Variants in ADAMTS2 observed in about 807,000 individuals in gnomAD.
ADAMTS2 encodes the protein ADAM metallopeptidase with thrombospondin type 1 motif 2.
Under a neutral mutation model 123.0 loss-of-function variants are expected in ADAMTS2, and 50 were observed. The ratio of observed to expected loss-of-function variants is 0.41; its 90% CI spans 0.32 to 0.51. The LOEUF (loss-of-function observed/expected upper bound fraction) is 0.51. ADAMTS2 is among the 20% of genes least tolerant of loss of function. ADAMTS2 has a pLI of 0.35. For missense variants in ADAMTS2, 1,494 were observed against 1,705.2 expected, an observed-to-expected ratio of 0.88 and a Z score of 2.18; for synonymous variants, 678 against 695.4, an observed-to-expected ratio of 0.98 and a Z score of 0.39.
chr5:179,271,255 A>G (rs867299757), intron 3 of ADAMTS2, among the ~76,000 whole-genome samples: 3 of 152,224 alleles, frequency 2.0e-5, no homozygotes. Flanking sequence ...TGCCATGTTC[A>G]GGAAGACAAG....
intron 4 of ADAMTS2, among the ~76,000 whole-genome samples, chr5:179,194,592 G>T (rs1764378531): frequency 6.6e-6 from 1 of 152,154 alleles, no homozygotes; most frequent in African/African-American, 2.4e-5. Flanking sequence ...CATGCTAGGG[G>T]ATTTGGGAGC....
chr5:179,220,068 G>A (rs1765092983), intron 3 of ADAMTS2, among the ~76,000 whole-genome samples: 1 of 152,286 alleles, frequency 6.6e-6, no homozygotes. Flanking sequence ...CCTTCCCTCT[G>A]CTGGGCAGTT....
intron 13 of ADAMTS2, 56 bp downstream of exon 13, chr5:179,135,853 C>G: frequency 6.2e-7 from 1 of 1,610,420 alleles, no homozygotes; most frequent in Admixed American, 1.7e-5. Context: ...GAGGTCAGTA[C>G]CCAGGAAGCT....
intron 21 of ADAMTS2, among the ~76,000 whole-genome samples, chr5:179,114,939 C>T (rs1314662193): frequency 2.0e-5 from 3 of 152,220 alleles, no homozygotes; most frequent in Non-Finnish European, 4.4e-5. Context: ...AAACATCACC[C>T]AAACCTGCAT....
At chr5:179,259,675 G>A (rs1288997084) in intron 3 of ADAMTS2, among the ~76,000 whole-genome samples, 1 of 152,232 alleles carries the variant, frequency 6.6e-6, no homozygotes, top group Non-Finnish European at 1.5e-5. Flanking sequence ...TGTCGTTCCA[G>A]CATGGACAGG....
chr5:179,240,047 G>C (rs1199073351), intron 3 of ADAMTS2, among the ~76,000 whole-genome samples: 2 of 152,162 alleles, frequency 1.3e-5, no homozygotes, highest in Non-Finnish European at 1.5e-5. Flanking sequence ...CTCCACCTAG[G>C]GGGTGCTGCT....
chr5:179,237,440 G>T (rs1399618985), intron 3 of ADAMTS2, among the ~76,000 whole-genome samples: 6 of 152,184 alleles, frequency 3.9e-5, no homozygotes, highest in Non-Finnish European at 8.8e-5. Flanking sequence ...CCAGCCTCCA[G>T]AACCATGAGA....
In ADAMTS2 at chr5:179,170,891, C is replaced by T. The variant is rs1286210211; in HGVS notation, c.975+10181G>A. Among the ~76,000 whole-genome samples the T allele has an allele frequency of 3.9e-5, 6 of 152,176 alleles. No individual in the cohort carries two copies. Among genetic ancestry groups the T allele is most frequent in the Non-Finnish European group, 8.8e-5 (6 of 68,042 alleles). ...TTGGGGGCACAAGGATACATCTCCT[C>T]CCACGTTCATCAGACACCTCAGAGA... On this transcript the variant is annotated intron_variant, in intron 5 of 21. Coordinates refer to ENST00000251582, the MANE Select transcript of ADAMTS2 (RefSeq NM_014244.5). The surrounding 1 kb of genome is among the most constrained non-coding windows in gnomAD (Gnocchi z 4.3).
rs965444833 is a variant in ADAMTS2, at chr5:179,197,609, G to A, written c.891+9904C>T. On this transcript the variant is annotated intron_variant, in intron 4 of 21. Transcript: ENST00000251582. This position sits in a 1 kb window ranked among gnomAD's most constrained non-coding sequence, Gnocchi z 4.2. ...GAGTCAGGCATGGTGGTGTGTGCCT[G>A]TAGTCCCAGCTGCTTGGGAGGCTGA... Among the ~76,000 whole-genome samples, 4 of 152,170 alleles carry A rather than the reference G, an allele frequency of 2.6e-5. No homozygotes were observed. Among genetic ancestry groups the A allele is most frequent in the African/African-American group, 9.7e-5 (4 of 41,436 alleles).
chr5:179,312,200 G>A lies in ADAMTS2; in HGVS notation c.534+31567C>T, dbSNP rs577453134. ...GGCAAAAAAGAACTTTGTAGATGCG[G>A]TGAGTCCAAGGATCCTGAGATGGAG... On this transcript the variant is annotated intron_variant, in intron 2 of 21. Coordinates refer to ENST00000251582, the MANE Select transcript of ADAMTS2 (RefSeq NM_014244.5). This position sits in a 1 kb window ranked among gnomAD's most constrained non-coding sequence, Gnocchi z 4.2. 2.0e-5 allele frequency among the ~76,000 whole-genome samples: 3 copies of A among 152,328 alleles called. No homozygotes were observed. The South Asian group carries it at 6.2e-4, about 32-fold the overall frequency.
At chr5:179,176,808 G>A (rs1470904164) in intron 5 of ADAMTS2, among the ~76,000 whole-genome samples, 1 of 152,206 alleles carries the variant, frequency 6.6e-6, no homozygotes, top group Non-Finnish European at 1.5e-5. Flanking sequence ...TGCTCCTTGC[G>A]ATCGGCTCCT....
rs568585836 is a variant in ADAMTS2, at chr5:179,207,626, G to A, written c.778C>T (p.His260Tyr). The A allele has an allele frequency of 6.2e-7, 1 of 1,613,842 alleles. No individual in the cohort carries two copies. The highest frequency in any genetic ancestry group is 1.1e-5 in the South Asian group (1 of 91,090). The change falls in exon 4 of 22, where the codon CAT becomes TAT. Residue 260 changes from histidine to tyrosine, a missense_variant. By Grantham distance (83) the His-to-Tyr change is moderately conservative (BLOSUM62 2). Coordinates refer to ENST00000251582, the MANE Select transcript of ADAMTS2 (RefSeq NM_014244.5). Reference protein sequence around the residue: ...ANSSRRRARRHAADDDYNIEV... With the variant: ...ANSSRRRARRYAADDDYNIEV... ...ATGTTGTAGTCATCGTCCGCAGCAT[G>A]CCTGCGTGCCCTCCGCCTCGAGCTG...
At chr5:179,274,507 G>A (rs541776247) in intron 2 of ADAMTS2, among the ~76,000 whole-genome samples, 32 of 152,064 alleles carry the variant, frequency 2.1e-4, no homozygotes, top group African/African-American at 6.5e-4. Context: ...GGCAGCCCCC[G>A]GCACCTGCCA....
In ADAMTS2 at chr5:179,121,651, G is replaced by A; in HGVS notation, c.3178+10C>T. ...GAGGGCAGAGGCAGAGTTATAAACG[G>A]GTCGGTTACTTGACGAGATCTTCCG... On this transcript the variant is annotated intron_variant, in intron 21 of 21. Coordinates refer to ENST00000251582, the MANE Select transcript of ADAMTS2 (RefSeq NM_014244.5). The A allele has an allele frequency of 6.3e-7, 1 of 1,598,618 alleles. No individual in the cohort carries two copies. Among genetic ancestry groups the A allele is most frequent in the Non-Finnish European group, 8.5e-7 (1 of 1,171,692 alleles).
intron 2 of ADAMTS2, among the ~76,000 whole-genome samples, chr5:179,340,902 C>T (rs1056962212): frequency 6.6e-6 from 1 of 152,230 alleles, no homozygotes; most frequent in African/African-American, 2.4e-5. Context: ...TACTGGAAAA[C>T]TCTTCCGCAG....
At chr5:179,223,660 GCACA>G (rs202005389) in intron 3 of ADAMTS2, among the ~76,000 whole-genome samples, 1 of 148,258 alleles carries the variant, frequency 6.7e-6, no homozygotes, top group Admixed American at 6.7e-5. Context: ...ACTCACAGAC[GCACA>G]CTCACACATG....
At chr5:179,247,390 A>G (rs928232480) in intron 3 of ADAMTS2, among the ~76,000 whole-genome samples, 1 of 147,638 alleles carries the variant, frequency 6.8e-6, no homozygotes, top group African/African-American at 2.4e-5. Context: ...CTAAGAGATC[A>G]AGTACACCAA....
chr5:179,229,637 C>T (rs1765364688), intron 3 of ADAMTS2, among the ~76,000 whole-genome samples: 1 of 152,186 alleles, frequency 6.6e-6, no homozygotes, highest in Non-Finnish European at 1.5e-5. Context: ...AGGCCCAGCC[C>T]CGCAGGAAGC....
In ADAMTS2 at chr5:179,130,185, G is replaced by T; in HGVS notation, c.2291-87C>A. On this transcript the variant is annotated intron_variant, in intron 15 of 21. Coordinates refer to ENST00000251582, the MANE Select transcript of ADAMTS2 (RefSeq NM_014244.5). The surrounding 1 kb of genome is among the most constrained non-coding windows in gnomAD (Gnocchi z 4.3). ...GGTTTGGGCTGGTCGGGGAGTGGGG[G>T]CAGCTAGCTGGACCCCTTGTCTCTC... The T allele has an allele frequency of 6.6e-7, 1 of 1,514,534 alleles. No homozygotes were observed. Among genetic ancestry groups the T allele is most frequent in the South Asian group, 1.1e-5 (1 of 86,960 alleles). 93.8% of individuals were successfully genotyped at this position (1,514,534 alleles called of 1,614,324 possible). A position where few individuals can be genotyped will look rare whatever the true frequency, so the allele number is the denominator to read the frequency against.
Sources: gnomAD v4.1 joint callset for allele counts (sites outside exome capture counted in the v4.1 genomes callset) on GRCh38, gnomAD v4.1.1 for gene constraint, Gnocchi (gnomAD v3.1) non-coding constraint, MANE v1.5 for transcripts, NCBI Gene and HGNC (gene_info 2026-07-23, HGNC 2026-07-21) for gene names.